Variants in SAMD5 observed in about 807,000 individuals in gnomAD.
SAMD5 encodes the protein sterile alpha motif domain-containing protein 5.
In SAMD5, 13 loss-of-function variants were observed where a neutral mutation model predicts 11.3. The ratio of observed to expected loss-of-function variants is 1.15; its 90% CI spans 0.75 to 1.83. The LOEUF is 1.83. Among genes scored for constraint, SAMD5 ranks in the 40% most tolerant of loss-of-function variants. The pLI, the probability that SAMD5 is intolerant of heterozygous loss-of-function variation, is 0.00. For missense variants in SAMD5, 255 were observed against 239.1 expected, an observed-to-expected ratio of 1.07 and a Z score of -0.44; for synonymous variants, 129 against 111.3, an observed-to-expected ratio of 1.16 and a Z score of -1.00.
rs1436837680 is a variant in SAMD5 at position 147,699,478 on chromosome 6, T to TC, written c.163-37835dup. 2.0e-5 allele frequency among the ~76,000 whole-genome samples: 3 copies of TC among 152,154 alleles called. No homozygotes were observed. In the South Asian group the frequency reaches 6.2e-4, roughly 32 times the overall value. On this transcript the variant is annotated intron_variant, in intron 1 of 1. Transcript: ENST00000566741. The stretch of plus-strand genomic sequence containing the variant: ...TTAACATTGAATAAAATGAGTTTTT[T>TC]CCCCTCCCACTAATTATAATCATAC...
At chr6:147,722,937 A>G (rs1791575999) in intron 1 of SAMD5, among the ~76,000 whole-genome samples, 1 of 152,202 alleles carries the variant, frequency 6.6e-6, no homozygotes, top group Non-Finnish European at 1.5e-5. Context: ...GAATTCTTCC[A>G]GCAGTGGGCT....
At chr6:147,766,986 A>G in the SAMD5 span, among the ~76,000 whole-genome samples, 18 of 56,518 alleles carry the variant, frequency 3.2e-4, no homozygotes, top group East Asian at 5.2e-3. Flanking sequence ...TGCAAGACAA[A>G]ACAAAATATA....
At chr6:147,685,268 C>T (rs1790992877) in intron 1 of SAMD5, among the ~76,000 whole-genome samples, 1 of 152,164 alleles carries the variant, frequency 6.6e-6, no homozygotes. Context: ...GCGATCTCGG[C>T]TCGCTGCAAC....
the SAMD5 span, among the ~76,000 whole-genome samples, chr6:147,844,497 G>A: frequency 6.6e-6 from 1 of 151,824 alleles, no homozygotes; most frequent in East Asian, 1.9e-4. Flanking sequence ...GGCATACACC[G>A]AAGGGAATTG....
At chr6:147,715,495 G>T (rs775042143) in intron 1 of SAMD5, among the ~76,000 whole-genome samples, 16 of 152,162 alleles carry the variant, frequency 1.1e-4, no homozygotes, top group Non-Finnish European at 1.6e-4. Context: ...CAGAGAGGTT[G>T]TCACAGGAGC....
chr6:147,534,439 A>C (rs1788477355), intron 1 of SAMD5, among the ~76,000 whole-genome samples: 1 of 152,164 alleles, frequency 6.6e-6, no homozygotes, highest in Non-Finnish European at 1.5e-5. Flanking sequence ...GCCTAGACAG[A>C]GCCGATTCAT....
the SAMD5 span, among the ~76,000 whole-genome samples, chr6:147,868,215 T>C: frequency 2.0e-5 from 3 of 152,336 alleles, no homozygotes; most frequent in Middle Eastern, 3.4e-3. Context: ...GCTTGTGAGT[T>C]CTTTTAGATG....
At chr6:147,927,225 T>C in the SAMD5 span, among the ~76,000 whole-genome samples, 1 of 152,244 alleles carries the variant, frequency 6.6e-6, no homozygotes, top group African/African-American at 2.4e-5. Context: ...TTGATGGGAA[T>C]AGCATTGAAT....
intron 1 of SAMD5, among the ~76,000 whole-genome samples, chr6:147,724,018 C>A (rs1361768876): frequency 6.6e-6 from 1 of 152,216 alleles, no homozygotes; most frequent in Non-Finnish European, 1.5e-5. Flanking sequence ...TATTGAGCCA[C>A]ATTTATCCTC....
intron 1 of SAMD5, among the ~76,000 whole-genome samples, chr6:147,559,473 G>A (rs1205847430): frequency 6.6e-6 from 1 of 152,144 alleles, no homozygotes; most frequent in Non-Finnish European, 1.5e-5. Flanking sequence ...GCTGAAAGCC[G>A]CAGAGAAGTC....
intron 1 of SAMD5, among the ~76,000 whole-genome samples, chr6:147,651,336 T>C (rs1012836265): frequency 6.6e-6 from 1 of 152,228 alleles, no homozygotes; most frequent in African/African-American, 2.4e-5. Flanking sequence ...TGTAACTTTC[T>C]CCATTGCTAA....
the SAMD5 span, among the ~76,000 whole-genome samples, chr6:147,871,359 AC>A: frequency 2.0e-5 from 3 of 152,212 alleles, no homozygotes; most frequent in African/African-American, 7.2e-5. Flanking sequence ...AACTATAAAA[AC>A]TATACAAATT....
the SAMD5 span, among the ~76,000 whole-genome samples, chr6:147,861,873 C>T: frequency 6.6e-6 from 1 of 152,164 alleles, no homozygotes; most frequent in Non-Finnish European, 1.5e-5. Flanking sequence ...TCTGTGACAG[C>T]AGCTGTTATT....
At chr6:147,886,512 C>A in the SAMD5 span, among the ~76,000 whole-genome samples, 1 of 151,924 alleles carries the variant, frequency 6.6e-6, no homozygotes, top group Admixed American at 6.6e-5. Flanking sequence ...TAATCCTCTC[C>A]CCCTTGAGTG....
chr6:147,907,270 G>A, the SAMD5 span, among the ~76,000 whole-genome samples: 4 of 152,182 alleles, frequency 2.6e-5, no homozygotes, highest in Non-Finnish European at 5.9e-5. Context: ...ACTTTGGGAG[G>A]CATAAGGCTA....
the SAMD5 span, among the ~76,000 whole-genome samples, chr6:147,845,220 T>G: frequency 8.5e-5 from 13 of 152,272 alleles, no homozygotes; most frequent in Non-Finnish European, 1.9e-4. Flanking sequence ...AAATTGAACC[T>G]TGCCATAAAC....
intron 1 of SAMD5, among the ~76,000 whole-genome samples, chr6:147,625,915 C>T (rs1391984671): frequency 6.6e-6 from 1 of 152,180 alleles, no homozygotes; most frequent in African/African-American, 2.4e-5. Context: ...TGCCTAGCTG[C>T]AGACAGTGGG....
intron 1 of SAMD5, among the ~76,000 whole-genome samples, chr6:147,649,772 T>C (rs1319012333): frequency 1.6e-5 from 2 of 128,910 alleles, no homozygotes; most frequent in South Asian, 2.4e-4. Flanking sequence ...GCCTTGGCAA[T>C]AGAGCGAGAC....
At chr6:147,822,604 T>C in the SAMD5 span, among the ~76,000 whole-genome samples, 1 of 152,188 alleles carries the variant, frequency 6.6e-6, no homozygotes, top group Non-Finnish European at 1.5e-5. Flanking sequence ...GTAAAAACTT[T>C]GGGTCATTTT....
Sources: allele counts gnomAD v4.1 joint callset (sites outside exome capture counted in the v4.1 genomes callset), GRCh38; gene constraint gnomAD v4.1.1; transcripts MANE v1.5; gene names NCBI Gene and HGNC (gene_info 2026-07-23, HGNC 2026-07-21).